The following MYH9 variants were observed in gnomAD, a reference collection of about 807,000 sequenced individuals.
MYH9 encodes the protein myosin heavy chain 9, also known as myosin-9.
In MYH9, 29 loss-of-function variants were observed where a neutral mutation model predicts 241.9. The observed-to-expected ratio is 0.12, with a 90% CI of 0.09 to 0.16. The LOEUF (loss-of-function observed/expected upper bound fraction) is 0.16, where lower values mean the gene tolerates loss of function less well. Among genes scored for constraint, MYH9 ranks in the 10% least tolerant of loss-of-function variants. MYH9 has a pLI of 1.00. For synonymous variants in MYH9, 1,047 were observed against 1,062.6 expected (o/e 0.99, Z 0.29); for missense variants, 1,803 against 2,595.5 (o/e 0.69, Z 6.63).
rs367926272 is a variant in MYH9 at position 36,284,289 on chromosome 22, G to A, written c.5593-24C>T. On this transcript the variant is annotated intron_variant, in intron 39 of 40. Transcript: ENST00000216181. ...GCCTGCGGAGATGGACGTGTGGCCC[G>A]TGGCCCCGGTTAGGGGCTCTGGGCG... 250 of 1,605,572 alleles carry A rather than the reference G, an allele frequency of 1.6e-4. 2 individuals carry two copies. The highest frequency in any genetic ancestry group is 1.1e-3 in the South Asian group (98 of 90,658).
At chr22:36,384,662 C>A (rs1476718840) in intron 1 of MYH9, among the ~76,000 whole-genome samples, 2 of 108,248 alleles carry the variant, frequency 1.8e-5, no homozygotes, top group East Asian at 3.2e-4. Flanking sequence ...ACAGCCACTA[C>A]ATATTAGGCC....
intron 1 of MYH9, among the ~76,000 whole-genome samples, chr22:36,364,050 G>T (rs1036225016): frequency 6.6e-6 from 1 of 152,178 alleles, no homozygotes; most frequent in South Asian, 2.1e-4. Flanking sequence ...TACGGCCACC[G>T]TCTCAGTGGG....
At position 36,320,724 on chromosome 22, in the gene MYH9, T is replaced by G. The variant is rs2017236325; in HGVS notation, c.868+74A>C. 6.9e-6 allele frequency: 9 copies of G among 1,297,160 alleles called. No homozygotes were observed. The Admixed American group carries it at 9.0e-5, about 13-fold the overall frequency. The allele number at this position is 1,297,160 out of a possible 1,614,324, so 80.4% of individuals were successfully genotyped here. On this transcript the variant is annotated intron_variant, in intron 8 of 40. Coordinates refer to ENST00000216181, the MANE Select transcript of MYH9 (RefSeq NM_002473.6). This position sits in a 1 kb window ranked among gnomAD's most constrained non-coding sequence, Gnocchi z 4.8. ...CCAAAAGTTTTCATTTCCCAAATGATGTCTACGGTCCAATTCTGGCAAGAG... is the reference window on the plus strand; with the variant it reads ...CCAAAAGTTTTCATTTCCCAAATGAGGTCTACGGTCCAATTCTGGCAAGAG...
Position 36,306,170 on chromosome 22 carries a change from C to A in MYH9, c.2038-119G>T. 1 of 1,526,254 alleles carries A rather than the reference C, an allele frequency of 6.6e-7. No individual in the cohort carries two copies. The highest frequency in any genetic ancestry group is 1.1e-5 in the South Asian group (1 of 88,224). 94.5% of individuals were successfully genotyped at this position (1,526,254 alleles called of 1,614,324 possible). A position where few individuals can be genotyped will look rare whatever the true frequency, so the allele number is the denominator to read the frequency against. ...GCCTAAGGGAGGGGGTCGCTACAGC[C>A]CACAGGTTTGGACAATGAAGTCAAA... is the stretch of plus-strand genomic sequence containing the variant. On this transcript the variant is annotated intron_variant, in intron 16 of 40. Transcript: ENST00000216181. The surrounding 1 kb of genome is among the most constrained non-coding windows in gnomAD (Gnocchi z 4.1).
intron 1 of MYH9, among the ~76,000 whole-genome samples, chr22:36,379,583 C>T (rs993396470): frequency 6.6e-6 from 1 of 152,182 alleles, no homozygotes; most frequent in Non-Finnish European, 1.5e-5. Flanking sequence ...CTGAGAAGCC[C>T]CTTTTCTCCT....
At chr22:36,341,311 T>C in intron 3 of MYH9, 59 bp downstream of exon 3, 15 of 1,602,680 alleles carry the variant, frequency 9.4e-6, no homozygotes, top group Non-Finnish European at 1.3e-5. Flanking sequence ...CCTGCAAAGG[T>C]GTCAATGAGG....
At chr22:36,318,055 C>T (rs901173912) in intron 11 of MYH9, 152 bp downstream of exon 11, 2 of 769,556 alleles carry the variant, frequency 2.6e-6, no homozygotes, top group Non-Finnish European at 4.7e-6. Flanking sequence ...GTTATGCCAC[C>T]TCTCTCCGGG....
intron 11 of MYH9, among the ~76,000 whole-genome samples, chr22:36,316,974 ACGGCCG>A (rs1569535789): frequency 7.2e-5 from 11 of 151,962 alleles, no homozygotes; most frequent in African/African-American, 2.4e-4. Flanking sequence ...GCAGTGGTCT[ACGGCCG>A]TACCACCCTA....
chr22:36,322,639 A>G lies in MYH9; in HGVS notation c.613-118T>C, dbSNP rs1469613969. Reference sequence around the variant, plus strand: ...TCAGCATGTCCAACGTGCCAGGAACAGAGGTTTCCGGGTGGGCTCCAGTGT... The same window carrying G: ...TCAGCATGTCCAACGTGCCAGGAACGGAGGTTTCCGGGTGGGCTCCAGTGT... On this transcript the variant is annotated intron_variant, in intron 5 of 40. Coordinates refer to ENST00000216181, the MANE Select transcript of MYH9 (RefSeq NM_002473.6). 7.9e-6 allele frequency: 8 copies of G among 1,010,714 alleles called. No homozygotes were observed. In the Admixed American group the frequency reaches 1.5e-4, roughly 19 times the overall value. 62.6% of individuals were successfully genotyped at this position (1,010,714 alleles called of 1,614,324 possible).
chr22:36,372,084 C>T (rs999561188), intron 1 of MYH9, among the ~76,000 whole-genome samples: 8 of 152,032 alleles, frequency 5.3e-5, no homozygotes, highest in Non-Finnish European at 1.5e-5. Flanking sequence ...CCAGCAGCTG[C>T]TTCTGAAGTC....
intron 1 of MYH9, among the ~76,000 whole-genome samples, chr22:36,357,079 C>T (rs1448286693): frequency 6.6e-6 from 1 of 152,232 alleles, no homozygotes; most frequent in Non-Finnish European, 1.5e-5. Context: ...AGGACACCTA[C>T]CATAGTGGAA....
rs5845270 is a variant in MYH9, at chr22:36,343,548, T to TAA, written c.334-2024_334-2023dup. Among the ~76,000 whole-genome samples the TAA allele has an allele frequency of 8.0e-3, 1,001 of 124,958 alleles. 15 individuals are homozygous for TAA. Among genetic ancestry groups the TAA allele is most frequent in the African/African-American group, 0.023 (760 of 32,584 alleles). 82.0% of individuals were successfully genotyped at this position (124,958 alleles called of 152,430 possible). A position where few individuals can be genotyped will look rare whatever the true frequency, so the allele number is the denominator to read the frequency against. Reference sequence around the variant, plus strand: ...GGGTGACAGAGGGAGACCCTGCTCTTAAAAAAAAAAAAAAAAAAAGAGCAG... The same window carrying TAA: ...GGGTGACAGAGGGAGACCCTGCTCTTAAAAAAAAAAAAAAAAAAAAAGAGCAG... On this transcript the variant is annotated intron_variant, in intron 2 of 40. Coordinates refer to ENST00000216181, the MANE Select transcript of MYH9 (RefSeq NM_002473.6).
intron 1 of MYH9, among the ~76,000 whole-genome samples, chr22:36,380,620 A>T (rs1198911594): frequency 6.6e-6 from 1 of 152,164 alleles, no homozygotes; most frequent in East Asian, 1.9e-4. Context: ...AGGTGCCTAT[A>T]ATCCCAGCTA....
At chr22:36,290,603 C>A (rs549575427) in intron 31 of MYH9, among the ~76,000 whole-genome samples, 60 of 151,610 alleles carry the variant, frequency 4.0e-4, no homozygotes, top group African/African-American at 1.5e-3. Context: ...TCTGCCTGGC[C>A]GCCCATCGTC....
intron 1 of MYH9, among the ~76,000 whole-genome samples, chr22:36,371,186 T>C (rs2018085047): frequency 6.6e-6 from 1 of 152,228 alleles, no homozygotes. Flanking sequence ...ATCCATTATG[T>C]TGGAGCCCTA....
chr22:36,285,591 G>A lies in MYH9; in HGVS notation c.5274+67C>T. Reference sequence around the variant, plus strand: ...CTTGGCCTGTGCTTCTGCCGGCTGGGTCCAAGGCCAGCTCTGCCGTGGTGG... The same window carrying A: ...CTTGGCCTGTGCTTCTGCCGGCTGGATCCAAGGCCAGCTCTGCCGTGGTGG... On this transcript the variant is annotated intron_variant, in intron 37 of 40. Transcript: ENST00000216181. The surrounding 1 kb of genome is among the most constrained non-coding windows in gnomAD (Gnocchi z 7.0). 2.5e-6 allele frequency: 4 copies of A among 1,604,818 alleles called. No homozygotes were observed. Among genetic ancestry groups the A allele is most frequent in the Non-Finnish European group, 1.7e-6 (2 of 1,178,464 alleles).
At chr22:36,335,227 CAGAGTGCCCGGCACACACACAGT>C (rs900812975) in intron 3 of MYH9, among the ~76,000 whole-genome samples, 1 of 152,252 alleles carries the variant, frequency 6.6e-6, no homozygotes, top group Non-Finnish European at 1.5e-5. Context: ...ACACTCTCTG[CAGAGTGCCCGGCACACACACAGT>C]AGGTGCTCAG....
intron 1 of MYH9, among the ~76,000 whole-genome samples, chr22:36,379,425 C>T (rs2018220986): frequency 6.6e-6 from 1 of 152,184 alleles, no homozygotes; most frequent in Non-Finnish European, 1.5e-5. Flanking sequence ...AGGAGAATGG[C>T]GTGAACCCGG....
intron 15 of MYH9, among the ~76,000 whole-genome samples, chr22:36,308,621 C>G (rs963665774): frequency 2.6e-5 from 4 of 152,110 alleles, no homozygotes; most frequent in African/African-American, 7.2e-5. Flanking sequence ...TTTGCTACTA[C>G]AGGCCGGCGA....
Sources: allele counts gnomAD v4.1 joint callset (sites outside exome capture counted in the v4.1 genomes callset), GRCh38; gene constraint gnomAD v4.1.1; non-coding constraint Gnocchi (gnomAD v3.1); transcripts MANE v1.5; gene names NCBI Gene and HGNC (gene_info 2026-07-23, HGNC 2026-07-21).